Variants in RTF1 observed in about 807,000 individuals in gnomAD.
RTF1 encodes RTF1 homolog, Paf1/RNA polymerase II complex component.
A neutral mutation model predicts 95.7 loss-of-function variants in RTF1; 10 were observed. That is an observed-to-expected ratio of 0.10 (90% CI 0.06 to 0.18). The LOEUF is 0.18. Among genes scored for constraint, RTF1 ranks in the 10% least tolerant of loss-of-function variants. RTF1 has a pLI of 1.00. For synonymous variants in RTF1, 305 were observed against 311.8 expected (o/e 0.98, Z 0.23); for missense variants, 458 against 875.6 (o/e 0.52, Z 6.02).
chr15:41,430,174 AT>A (rs773433000), intron 1 of RTF1, among the ~76,000 whole-genome samples: 300 of 110,250 alleles, frequency 2.7e-3, no homozygotes, highest in Middle Eastern at 0.011. Context: ...TGTCTGGCTA[AT>A]TTTTTTTTTT....
intron 3 of RTF1, among the ~76,000 whole-genome samples, chr15:41,457,449 C>T (rs1310185785): frequency 6.6e-6 from 1 of 151,854 alleles, no homozygotes; most frequent in Non-Finnish European, 1.5e-5. Context: ...AGGAGAATCG[C>T]TTGAACCCGG....
Position 41,475,724 on chromosome 15 carries a change from G to A in RTF1, c.1387G>A (p.Gly463Ser). ...MKWKEAMFSA[G>S]MQLPTLDEIN... ...GTTTTTGATCCAGATGTTCTCTGCT[G>A]GCATGCAGTTGCCCACTCTAGATGA... The change falls in exon 11 of 18, where the codon GGC (glycine) becomes AGC (serine). Residue 463 changes from glycine (G) to serine (S), a missense_variant. Gly to Ser is a moderately conservative substitution (Grantham distance 56). Coordinates refer to ENST00000389629, the MANE Select transcript of RTF1 (RefSeq NM_015138.5). The A allele has an allele frequency of 6.2e-7, 1 of 1,609,676 alleles. No homozygotes were observed. The highest frequency in any genetic ancestry group is 8.5e-7 in the Non-Finnish European group (1 of 1,176,534).
intron 15 of RTF1, chr15:41,478,843 C>G (rs769662166): frequency 9.8e-6 from 6 of 609,310 alleles, no homozygotes; most frequent in Non-Finnish European, 1.7e-5. Context: ...GTGACTGATC[C>G]TCCTGTATCA....
chr15:41,423,942 G>C (rs1408095354), intron 1 of RTF1, among the ~76,000 whole-genome samples: 1 of 152,030 alleles, frequency 6.6e-6, no homozygotes, highest in Non-Finnish European at 1.5e-5. Context: ...TAGTAGAGAT[G>C]GGGTTTCACC....
intron 1 of RTF1, among the ~76,000 whole-genome samples, chr15:41,436,287 TAAAAAAAAAAA>T (rs746306495): frequency 1.1e-5 from 1 of 95,218 alleles, no homozygotes; most frequent in African/African-American, 4.1e-5. Flanking sequence ...CCGTCTCTAC[TAAAAAAAAAAA>T]AAAAAAAAAA....
chr15:41,458,225 A>G (rs1170721866), intron 4 of RTF1, among the ~76,000 whole-genome samples: 1 of 152,322 alleles, frequency 6.6e-6, no homozygotes, highest in East Asian at 1.9e-4. Context: ...AGTAAGCTGC[A>G]TGAAGGGAGA....
intron 1 of RTF1, among the ~76,000 whole-genome samples, chr15:41,438,005 C>T (rs772184443): frequency 6.6e-6 from 1 of 152,266 alleles, no homozygotes; most frequent in Non-Finnish European, 1.5e-5. Flanking sequence ...TTACCAGTCC[C>T]AGAGAATCAG....
intron 1 of RTF1, among the ~76,000 whole-genome samples, chr15:41,435,285 C>T (rs774345070): frequency 1.3e-5 from 2 of 151,892 alleles, no homozygotes; most frequent in Admixed American, 1.3e-4. Context: ...ATTTGTCAAA[C>T]TCATAGAACT....
chr15:41,480,835 T>C lies in RTF1; in HGVS notation c.*148T>C. The stretch of plus-strand genomic sequence containing the variant: ...TGCCAGTCATCTGTAATATAAACCA[T>C]TTGCTGTATAGACCTCCTTTGTCTG... On this transcript the variant is annotated 3_prime_UTR_variant, in exon 18 of 18. Transcript: ENST00000389629. 1 of 650,672 alleles carries C rather than the reference T, an allele frequency of 1.5e-6. No individual in the cohort carries two copies. Among genetic ancestry groups the C allele is most frequent in the South Asian group, 1.8e-5 (1 of 55,378 alleles). 40.3% of individuals were successfully genotyped at this position (650,672 alleles called of 1,614,324 possible).
intron 4 of RTF1, 55 bp downstream of exon 4, chr15:41,457,931 C>A: frequency 7.3e-7 from 1 of 1,370,766 alleles, no homozygotes; most frequent in Non-Finnish European, 1.0e-6. Flanking sequence ...CTGTTCATCT[C>A]TTTTCTCATA....
intron 2 of RTF1, among the ~76,000 whole-genome samples, chr15:41,441,043 C>A (rs2140952957): frequency 7.0e-6 from 1 of 142,304 alleles, no homozygotes; most frequent in East Asian, 2.1e-4. Flanking sequence ...GTGATCTCGG[C>A]TTACTGCAAG....
Position 41,471,331 on chromosome 15 carries a change from C to T in RTF1, c.1185C>T (p.Asn395=), listed in dbSNP as rs891335270. Residue 395 remains asparagine (N), a synonymous_variant, in exon 8 of 18, where the codon AAC becomes AAT. Coordinates refer to ENST00000389629, the MANE Select transcript of RTF1 (RefSeq NM_015138.5). ...TGCGGATTGGCATCGGAAACCACAA[C>T]AGCAAACCAGTTTACCGGGTTGGTA... ...CFVRIGIGNH[N]SKPVYRVAEI... 4 of 1,610,750 alleles carry T rather than the reference C, an allele frequency of 2.5e-6. No homozygotes were observed. The African/African-American group carries it at 4.0e-5, about 16-fold the overall frequency.
rs889422366 is a variant in RTF1, at chr15:41,479,364, C to A, written c.1914+166C>A. 3.3e-5 allele frequency among the ~76,000 whole-genome samples: 5 copies of A among 152,182 alleles called. No individual in the cohort carries two copies. The South Asian group carries it at 1.0e-3, about 32-fold the overall frequency. On this transcript the variant is annotated intron_variant, in intron 16 of 17. Coordinates refer to ENST00000389629, the MANE Select transcript of RTF1 (RefSeq NM_015138.5). ...ATTTACAGATATAATCAACAGACAA[C>A]CTTAATTCCAAACCTGACACCACTA...
intron 1 of RTF1, among the ~76,000 whole-genome samples, chr15:41,436,968 T>C (rs2050706844): frequency 2.0e-5 from 3 of 151,002 alleles, no homozygotes; most frequent in Admixed American, 1.3e-4. Flanking sequence ...ACCCCTGTAG[T>C]CCCAGCTACT....
intron 14 of RTF1, among the ~76,000 whole-genome samples, chr15:41,478,203 G>A (rs1469550615): frequency 6.6e-6 from 1 of 151,862 alleles, no homozygotes; most frequent in Non-Finnish European, 1.5e-5. Flanking sequence ...GAGTTTGAGA[G>A]CAGCCTGGCC....
At chr15:41,458,541 G>T (rs2050830382) in intron 4 of RTF1, among the ~76,000 whole-genome samples, 1 of 152,070 alleles carries the variant, frequency 6.6e-6, no homozygotes, top group African/African-American at 2.4e-5. Context: ...GAGATCAGGA[G>T]TTCTAGACCA....
intron 17 of RTF1, 21 bp from the exon 18 acceptor site, chr15:41,480,560 A>G: frequency 1.3e-6 from 2 of 1,581,556 alleles, no homozygotes; most frequent in South Asian, 2.2e-5. Flanking sequence ...TCAGCTGCCA[A>G]CTTGCTCTTC....
chr15:41,452,238 C>T (rs2050792538), intron 2 of RTF1, among the ~76,000 whole-genome samples: 2 of 152,014 alleles, frequency 1.3e-5, no homozygotes, highest in African/African-American at 2.4e-5. Flanking sequence ...GAGTTTAAGA[C>T]CAGCCTGGGA....
At chr15:41,461,942 G>C (rs548917291) in intron 4 of RTF1, among the ~76,000 whole-genome samples, 1 of 148,270 alleles carries the variant, frequency 6.7e-6, no homozygotes, top group Non-Finnish European at 1.5e-5. Context: ...TTTTTAGAGA[G>C]GGGGGGTTTG....
Sources: gnomAD v4.1 joint callset for allele counts (sites outside exome capture counted in the v4.1 genomes callset) on GRCh38, gnomAD v4.1.1 for gene constraint, MANE v1.5 for transcripts, NCBI Gene and HGNC (gene_info 2026-07-23, HGNC 2026-07-21) for gene names.